Variants in FAAH2 observed in about 807,000 individuals in gnomAD.
FAAH2 encodes fatty-acid amide hydrolase 2.
Under a neutral mutation model 36.9 loss-of-function variants are expected in FAAH2, and 60 were observed. The ratio of observed to expected loss-of-function variants is 1.63; its 90% CI spans 1.32 to 2.02. The LOEUF (loss-of-function observed/expected upper bound fraction) is 2.02. Ranked by LOEUF, FAAH2 falls within the 30% of genes most tolerant of loss-of-function variation. The probability of loss-of-function intolerance (pLI) is 0.00; values close to 1 mark genes in which losing one functional copy is unlikely to be tolerated. For synonymous variants in FAAH2, 214 were observed against 143.8 expected (o/e 1.49, Z -3.49); for missense variants, 689 against 397.5 (o/e 1.73, Z -6.23).
intron 7 of FAAH2, chrX:57,393,316 G>C: frequency 2.2e-6 from 2 of 907,157 alleles, no homozygotes; most frequent in Middle Eastern, 2.9e-4. Context: ...TGACCATAGG[G>C]CCACCCCTGT....
At chrX:57,276,722 AT>A in the FAAH2 span, among the ~76,000 whole-genome samples, 19 of 111,736 alleles carry the variant, frequency 1.7e-4, no homozygotes, top group African/African-American at 6.2e-4. Flanking sequence ...AATAGACACA[AT>A]AAAAAATAAT....
the FAAH2 span, among the ~76,000 whole-genome samples, chrX:57,266,186 C>T: frequency 9.0e-6 from 1 of 111,671 alleles, no homozygotes; most frequent in Admixed American, 9.4e-5. Flanking sequence ...GGTCTTTAGC[C>T]ACCTCCTACA....
At chrX:57,186,680 G>T in the FAAH2 span, among the ~76,000 whole-genome samples, 73 of 111,883 alleles carry the variant, frequency 6.5e-4, no homozygotes, top group East Asian at 4.8e-3. Context: ...TTCTTCTAGG[G>T]TTTTGAAGGT....
At chrX:57,151,486 C>T in the FAAH2 span, among the ~76,000 whole-genome samples, 7 of 111,415 alleles carry the variant, frequency 6.3e-5, no homozygotes, top group South Asian at 1.9e-3. Flanking sequence ...CTCTAAACTT[C>T]CCTTCTCACT....
chrX:57,124,894 G>C, the FAAH2 span, among the ~76,000 whole-genome samples: 1 of 112,387 alleles, frequency 8.9e-6, no homozygotes, highest in African/African-American at 3.2e-5. Flanking sequence ...TCAGCTTAAA[G>C]AGATTTTGGG....
chrX:57,243,568 G>T, the FAAH2 span, among the ~76,000 whole-genome samples: 3 of 112,377 alleles, frequency 2.7e-5, no homozygotes, highest in South Asian at 7.4e-4. Context: ...AGCAATCTTT[G>T]CCATTCTGCA....
At chrX:57,196,886 G>A in the FAAH2 span, among the ~76,000 whole-genome samples, 4 of 110,983 alleles carry the variant, frequency 3.6e-5, no homozygotes, top group Admixed American at 2.9e-4. Flanking sequence ...AATTTCCTGG[G>A]TGTTCTTTGA....
At chrX:57,160,767 T>G in the FAAH2 span, among the ~76,000 whole-genome samples, 4 of 112,130 alleles carry the variant, frequency 3.6e-5, no homozygotes, top group Admixed American at 3.8e-4. Flanking sequence ...TTTAATAGTC[T>G]TGCTAATGGT....
chrX:57,325,267 T>G (rs985624020), intron 3 of FAAH2, among the ~76,000 whole-genome samples: 1 of 111,530 alleles, frequency 9.0e-6, no homozygotes, highest in Non-Finnish European at 1.9e-5. Context: ...ATTTTTGCAT[T>G]GATGTTCATC....
intron 7 of FAAH2, among the ~76,000 whole-genome samples, 155 bp from the exon 8 acceptor site, chrX:57,431,763 G>GTTTTTTTTTTTTTTT (rs200270868): frequency 7.3e-5 from 1 of 13,656 alleles, no homozygotes; most frequent in African/African-American, 8.4e-5. Flanking sequence ...TTTTGTTTTT[G>GTTTTTTTTTTTTTTT]TTTTTTTGTT....
chrX:57,123,775 G>T, the FAAH2 span, among the ~76,000 whole-genome samples: 3 of 112,478 alleles, frequency 2.7e-5, no homozygotes, highest in Non-Finnish European at 3.8e-5. Context: ...ATTTATTCAT[G>T]TGTCTGTTGG....
intron 10 of FAAH2, among the ~76,000 whole-genome samples, chrX:57,458,914 C>A (rs1184963268): frequency 1.8e-5 from 2 of 112,250 alleles, no homozygotes. Context: ...ACTGTGCTAG[C>A]TGCAAGAGTT....
intron 7 of FAAH2, among the ~76,000 whole-genome samples, chrX:57,418,990 A>C (rs1222021096): frequency 2.9e-5 from 3 of 103,203 alleles, no homozygotes; most frequent in Non-Finnish European, 3.9e-5. Context: ...TCCTTGTGAT[A>C]GTTTACTGAG....
At chrX:57,356,523 T>C (rs2054161326) in intron 5 of FAAH2, among the ~76,000 whole-genome samples, 1 of 110,877 alleles carries the variant, frequency 9.0e-6, no homozygotes, top group African/African-American at 3.3e-5. Context: ...TTCTCTAGGT[T>C]ACCAAATTTA....
chrX:57,257,765 C>T, the FAAH2 span, among the ~76,000 whole-genome samples: 2 of 110,210 alleles, frequency 1.8e-5, no homozygotes, highest in African/African-American at 3.3e-5. Flanking sequence ...CAAATTTAAC[C>T]AAGGATGTGA....
At chrX:57,170,880 T>TTA in the FAAH2 span, among the ~76,000 whole-genome samples, 243 of 109,902 alleles carry the variant, frequency 2.2e-3, no homozygotes, top group African/African-American at 7.8e-3. Flanking sequence ...ATTTTTTTTT[T>TTA]TATATTTTTA....
rs200875647 is a variant in FAAH2 at position 57,448,628 on chromosome X, G to C, written c.1333G>C (p.Asp445His). Residue 445 changes from aspartate to histidine, a missense_variant, in exon 10 of 11, where the codon GAT (aspartate) becomes CAT (histidine). Transcript: ENST00000374900. ...TAAAGAGCTGGTGGATATGCTAGGT[G>C]ATGATGGTGTGTTCTTATATCCCTC... is the stretch of plus-strand genomic sequence containing the variant. ...LRKELVDMLG[D>H]DGVFLYPSHP... The C allele has an allele frequency of 3.1e-5, 38 of 1,209,861 alleles. No homozygotes were observed. The highest frequency in any genetic ancestry group is 3.6e-5 in the Non-Finnish European group (32 of 895,042).
chrX:57,448,676 C>A lies in FAAH2; in HGVS notation c.1381C>A (p.His461Asn), dbSNP rs757299430. ...CTCACATCCCACAGTGGCACCTAAG[C>A]ATCATGTCCCTCTAACACGGCCTTT... ...YPSHPTVAPK[H>N]HVPLTRPFNF... The change falls in exon 10 of 11, where the codon CAT becomes AAT. Residue 461 changes from histidine to asparagine, a missense_variant. By Grantham distance (68) the His-to-Asn change is moderately conservative. Transcript: ENST00000374900. The A allele has an allele frequency of 8.3e-7, 1 of 1,209,436 alleles. No individual in the cohort carries two copies. Among genetic ancestry groups the A allele is most frequent in the African/African-American group, 1.7e-5 (1 of 57,226 alleles).
chrX:57,195,020 G>T, the FAAH2 span, among the ~76,000 whole-genome samples: 1 of 110,912 alleles, frequency 9.0e-6, no homozygotes, highest in Non-Finnish European at 1.9e-5. Context: ...TTGATTGATG[G>T]ACATTTGGAC....
Sources: gnomAD v4.1 joint callset for allele counts (sites outside exome capture counted in the v4.1 genomes callset) on GRCh38, gnomAD v4.1.1 for gene constraint, MANE v1.5 for transcripts, NCBI Gene and HGNC (gene_info 2026-07-23, HGNC 2026-07-21) for gene names.